The following CADPS2 variants were observed in gnomAD, a reference collection of about 807,000 sequenced individuals.
CADPS2 encodes the protein calcium-dependent secretion activator 2.
In CADPS2, 93 loss-of-function variants were observed where a neutral mutation model predicts 172.5. That is an observed-to-expected ratio of 0.54 (90% CI 0.46 to 0.64). The LOEUF is 0.64. Among genes scored for constraint, CADPS2 ranks in the 30% least tolerant of loss-of-function variants. The pLI, the probability that CADPS2 is intolerant of heterozygous loss-of-function variation, is 0.00. For synonymous variants in CADPS2, 546 were observed against 555.2 expected (o/e 0.98, Z 0.23); for missense variants, 1,420 against 1,565.9 (o/e 0.91, Z 1.57).
intron 3 of CADPS2, 72 bp from the exon 4 acceptor site, chr7:122,629,400 G>T: frequency 1.8e-6 from 2 of 1,082,244 alleles, no homozygotes; most frequent in African/African-American, 1.6e-5. Context: ...GACTGAGGCA[G>T]TCCCACAGAC....
intron 4 of CADPS2, among the ~76,000 whole-genome samples, chr7:122,622,391 A>G (rs2075690732): frequency 1.3e-5 from 2 of 152,332 alleles, no homozygotes. Context: ...AAAAATTAAC[A>G]ATATCAATTT....
intron 3 of CADPS2, among the ~76,000 whole-genome samples, chr7:122,661,493 T>C (rs1444402821): frequency 2.6e-5 from 4 of 152,056 alleles, no homozygotes; most frequent in Non-Finnish European, 5.9e-5. Flanking sequence ...TAATAACTCA[T>C]TTAGAGGTCT....
chr7:122,631,119 G>A (rs898239991), intron 3 of CADPS2, among the ~76,000 whole-genome samples: 2 of 151,976 alleles, frequency 1.3e-5, no homozygotes, highest in East Asian at 3.9e-4. Context: ...TAAACCATAA[G>A]AACACTGAAA....
chr7:122,617,136 T>C (rs1202834100), intron 5 of CADPS2, among the ~76,000 whole-genome samples: 2 of 152,176 alleles, frequency 1.3e-5, no homozygotes, highest in Non-Finnish European at 2.9e-5. Flanking sequence ...TCACCTCTAC[T>C]ATAAGCTACT....
chr7:122,827,128 TGA>T (rs1190999892), intron 1 of CADPS2, among the ~76,000 whole-genome samples: 2 of 152,130 alleles, frequency 1.3e-5, no homozygotes, highest in Non-Finnish European at 2.9e-5. Flanking sequence ...CAGTAAAATA[TGA>T]GAGACTACTA....
intron 1 of CADPS2, among the ~76,000 whole-genome samples, chr7:122,866,966 T>C (rs1041411865): frequency 1.3e-5 from 2 of 152,142 alleles, no homozygotes; most frequent in African/African-American, 4.8e-5. Flanking sequence ...CTGCACAACT[T>C]TGCTGCTTTT....
At chr7:122,458,644 G>A (rs1179835660) in intron 14 of CADPS2, among the ~76,000 whole-genome samples, 1 of 152,134 alleles carries the variant, frequency 6.6e-6, no homozygotes, top group Non-Finnish European at 1.5e-5. Flanking sequence ...AAAAAGGGTA[G>A]ATACCACTAT....
At chr7:122,791,575 A>G (rs1795302979) in intron 1 of CADPS2, among the ~76,000 whole-genome samples, 1 of 152,214 alleles carries the variant, frequency 6.6e-6, no homozygotes. Flanking sequence ...GATGCCATCA[A>G]CAAGTGTATT....
At chr7:122,332,942 T>C (rs1226464708) in intron 28 of CADPS2, among the ~76,000 whole-genome samples, 1 of 152,198 alleles carries the variant, frequency 6.6e-6, no homozygotes, top group African/African-American at 2.4e-5. Flanking sequence ...TTCCTAGCAC[T>C]AAAAAGACTA....
At chr7:122,733,040 A>T (rs2091837289) in intron 2 of CADPS2, among the ~76,000 whole-genome samples, 1 of 151,262 alleles carries the variant, frequency 6.6e-6, no homozygotes, top group African/African-American at 2.4e-5. Context: ...TGCATACAGC[A>T]AACAATATAT....
chr7:122,791,131 C>T (rs1229623813), intron 1 of CADPS2, among the ~76,000 whole-genome samples: 1 of 152,046 alleles, frequency 6.6e-6, no homozygotes, highest in East Asian at 1.9e-4. Context: ...GTATCAACGG[C>T]GCGAGGAAAA....
intron 1 of CADPS2, among the ~76,000 whole-genome samples, chr7:122,826,865 T>G (rs1805051820): frequency 6.6e-6 from 1 of 151,628 alleles, no homozygotes; most frequent in South Asian, 2.1e-4. Context: ...TAACCTAATC[T>G]CTCACGTTAA....
At chr7:122,735,250 T>C (rs1156501447) in intron 2 of CADPS2, among the ~76,000 whole-genome samples, 2 of 152,122 alleles carry the variant, frequency 1.3e-5, no homozygotes, top group African/African-American at 2.4e-5. Flanking sequence ...CCCACTTCAG[T>C]TTCCACCCAA....
At chr7:122,701,734 G>T in intron 2 of CADPS2, 1 of 776,842 alleles carries the variant, frequency 1.3e-6, no homozygotes, top group Non-Finnish European at 2.0e-6. Flanking sequence ...GGGTAGAGAA[G>T]CTGAAATTTT....
chr7:122,342,224 C>T (rs2036885192), intron 28 of CADPS2, among the ~76,000 whole-genome samples: 1 of 152,110 alleles, frequency 6.6e-6, no homozygotes, highest in Admixed American at 6.5e-5. Flanking sequence ...CAGAATACCC[C>T]AGAAGCAGAT....
At chr7:122,325,049 C>T (rs1420506988) in intron 29 of CADPS2, among the ~76,000 whole-genome samples, 4 of 152,046 alleles carry the variant, frequency 2.6e-5, no homozygotes, top group Admixed American at 2.0e-4. Flanking sequence ...GTATTACTTT[C>T]GTACCAGCAT....
At chr7:122,486,718 G>A (rs951968841) in intron 11 of CADPS2, among the ~76,000 whole-genome samples, 1 of 152,162 alleles carries the variant, frequency 6.6e-6, no homozygotes, top group Non-Finnish European at 1.5e-5. Flanking sequence ...TGGGCAAAAT[G>A]ATAGCAAACA....
At chr7:122,442,568 T>C (rs2051497369) in intron 15 of CADPS2, among the ~76,000 whole-genome samples, 1 of 152,242 alleles carries the variant, frequency 6.6e-6, no homozygotes, top group Non-Finnish European at 1.5e-5. Context: ...AATAAAATTA[T>C]ATTTCTCACA....
chr7:122,729,934 A>G (rs2091488851), intron 2 of CADPS2, among the ~76,000 whole-genome samples: 1 of 151,784 alleles, frequency 6.6e-6, no homozygotes, highest in Non-Finnish European at 1.5e-5. Flanking sequence ...TATAATCATG[A>G]AAACAGAATC....
Sources: allele counts gnomAD v4.1 joint callset (sites outside exome capture counted in the v4.1 genomes callset), GRCh38; gene constraint gnomAD v4.1.1; transcripts MANE v1.5; gene names NCBI Gene and HGNC (gene_info 2026-07-23, HGNC 2026-07-21).